The following OSBP2 variants were observed in gnomAD, a reference collection of about 807,000 sequenced individuals.
OSBP2 encodes the protein oxysterol binding protein 2.
A neutral mutation model predicts 96.0 loss-of-function variants in OSBP2; 66 were observed. The observed-to-expected ratio is 0.69, with a 90% CI of 0.56 to 0.84. OSBP2 has a LOEUF of 0.84. Among genes scored for constraint, OSBP2 ranks in the 40% least tolerant of loss-of-function variants. OSBP2 has a pLI of 0.00. For synonymous variants in OSBP2, 525 were observed against 520.9 expected (o/e 1.01, Z -0.11); for missense variants, 1,038 against 1,222.7 (o/e 0.85, Z 2.25).
At position 30,732,219 on chromosome 22, in the gene OSBP2, A is replaced by G. The variant is rs554523542; in HGVS notation, c.645-8942A>G. 1.1e-4 allele frequency among the ~76,000 whole-genome samples: 17 copies of G among 152,184 alleles called. No individual in the cohort carries two copies. In the East Asian group the frequency reaches 3.3e-3, roughly 29 times the overall value. ...CTCGGGAGGCTGAGACAGGAGAATCACTTGAACCTGGGAGGCGGAGGTTGC... is the reference window on the plus strand; with the variant it reads ...CTCGGGAGGCTGAGACAGGAGAATCGCTTGAACCTGGGAGGCGGAGGTTGC... On this transcript the variant is annotated intron_variant, in intron 1 of 13. Coordinates refer to ENST00000332585, the MANE Select transcript of OSBP2 (RefSeq NM_030758.4).
intron 2 of OSBP2, among the ~76,000 whole-genome samples, chr22:30,841,484 A>G (rs1413686461): frequency 6.6e-6 from 1 of 152,212 alleles, no homozygotes; most frequent in Non-Finnish European, 1.5e-5. Context: ...GTGTTGCTAC[A>G]TGTATCAGTA....
chr22:30,695,226 C>T lies in OSBP2; in HGVS notation c.317C>T (p.Pro106Leu). The T allele has an allele frequency of 6.2e-7, 1 of 1,613,258 alleles. No homozygotes were observed. Among genetic ancestry groups the T allele is most frequent in the Middle Eastern group, 1.7e-4 (1 of 6,056 alleles). ...TCGGAACTGCTGCAGGGGTCGCGGC[C>T]GGGGTCAGAGTCAAGCTCAGGTGTA... ...QPSELLQGSR[P>L]GSESSSGVGA... is the part of the protein sequence containing the mutation. The change falls in exon 1 of 14, where the codon CCG becomes CTG. Residue 106 changes from proline to leucine, a missense_variant. Pro to Leu is a moderately conservative substitution (Grantham distance 98). Around this residue, in one of 3 missense-constraint regions of OSBP2, gnomAD observed 281 missense variants for 273.4 expected, o/e 1.03. Coordinates refer to ENST00000332585, the MANE Select transcript of OSBP2 (RefSeq NM_030758.4).
intron 2 of OSBP2, among the ~76,000 whole-genome samples, chr22:30,863,608 G>C (rs1403527410): frequency 6.6e-6 from 1 of 152,174 alleles, no homozygotes; most frequent in Non-Finnish European, 1.5e-5. Flanking sequence ...TGAGGACAAG[G>C]TCATGGGCTG....
At chr22:30,813,099 T>A (rs1602301183) in intron 2 of OSBP2, among the ~76,000 whole-genome samples, 1 of 151,988 alleles carries the variant, frequency 6.6e-6, no homozygotes, top group African/African-American at 2.4e-5. Flanking sequence ...TATATTGTCA[T>A]GTCTATCCAT....
At chr22:30,859,356 G>C (rs1449038788) in intron 2 of OSBP2, among the ~76,000 whole-genome samples, 1 of 152,226 alleles carries the variant, frequency 6.6e-6, no homozygotes. Flanking sequence ...ACAGGTGTTT[G>C]CATTGTGTCA....
chr22:30,879,872 T>G (rs1280257319), intron 3 of OSBP2, among the ~76,000 whole-genome samples: 1 of 152,068 alleles, frequency 6.6e-6, no homozygotes, highest in African/African-American at 2.4e-5. Context: ...GCCAACATAG[T>G]GAAACCCTGT....
At chr22:30,902,139 C>CAAA in intron 12 of OSBP2, 2 of 66,146 alleles carry the variant, frequency 3.0e-5, no homozygotes, top group Non-Finnish European at 5.0e-5. Context: ...AAAAAAAAAA[C>CAAA]CAAAAAAAAA....
At chr22:30,772,126 A>T (rs1204170850) in intron 2 of OSBP2, among the ~76,000 whole-genome samples, 1 of 152,156 alleles carries the variant, frequency 6.6e-6, no homozygotes, top group Non-Finnish European at 1.5e-5. Context: ...TGCAGGCTGG[A>T]GTTGGCGATT....
At chr22:30,730,631 G>A (rs1022838239) in intron 1 of OSBP2, among the ~76,000 whole-genome samples, 2 of 149,486 alleles carry the variant, frequency 1.3e-5, no homozygotes, top group Non-Finnish European at 3.0e-5. Context: ...TGCATTGAAT[G>A]GAAGTTCCAT....
intron 2 of OSBP2, among the ~76,000 whole-genome samples, chr22:30,853,213 G>A (rs538098158): frequency 1.3e-4 from 20 of 152,220 alleles, no homozygotes; most frequent in Admixed American, 3.3e-4. Flanking sequence ...TTGTATTATC[G>A]TATTGAAACC....
At chr22:30,765,417 C>A (rs1230205289) in intron 2 of OSBP2, among the ~76,000 whole-genome samples, 2 of 152,098 alleles carry the variant, frequency 1.3e-5, no homozygotes, top group African/African-American at 4.8e-5. Context: ...CCATGTTGTC[C>A]AGGCTGGTCT....
At chr22:30,898,780 T>G (rs1323185691) in intron 12 of OSBP2, among the ~76,000 whole-genome samples, 1 of 151,556 alleles carries the variant, frequency 6.6e-6, no homozygotes. Context: ...TCCCAGCACT[T>G]TGGAAGGCTG....
chr22:30,875,367 TTTG>T (rs2039556328), intron 3 of OSBP2, among the ~76,000 whole-genome samples: 1 of 151,864 alleles, frequency 6.6e-6, no homozygotes, highest in African/African-American at 2.4e-5. Flanking sequence ...GGCAGGGTTC[TTTG>T]TTGTTTTTTT....
At position 30,889,306 on chromosome 22, in the gene OSBP2, A is replaced by T. The variant is rs2147154735; in HGVS notation, c.1476+72A>T. On this transcript the variant is annotated intron_variant, in intron 6 of 13. Coordinates refer to ENST00000332585, the MANE Select transcript of OSBP2 (RefSeq NM_030758.4). ...TAGGGGGTGGGAGGGACAGGCCAGC[A>T]CCAAGAACTGGGGGCCAGCAGGCAG... 6 of 1,508,364 alleles carry T rather than the reference A, an allele frequency of 4.0e-6. No homozygotes were observed. The South Asian group carries it at 7.0e-5, about 18-fold the overall frequency. 93.4% of individuals were successfully genotyped at this position (1,508,364 alleles called of 1,614,324 possible).
intron 2 of OSBP2, among the ~76,000 whole-genome samples, chr22:30,828,632 G>A (rs531843182): frequency 1.3e-5 from 2 of 152,218 alleles, no homozygotes; most frequent in Non-Finnish European, 2.9e-5. Context: ...GCTAAGGGGT[G>A]GATTGGGGGC....
At chr22:30,868,808 C>T (rs2039400531) in intron 2 of OSBP2, among the ~76,000 whole-genome samples, 1 of 152,228 alleles carries the variant, frequency 6.6e-6, no homozygotes, top group African/African-American at 2.4e-5. Flanking sequence ...CCATGGACAC[C>T]ACGTGCACTC....
chr22:30,809,537 G>A (rs1170170209), intron 2 of OSBP2, among the ~76,000 whole-genome samples: 2 of 152,202 alleles, frequency 1.3e-5, no homozygotes, highest in Non-Finnish European at 2.9e-5. Flanking sequence ...CCCCGTGAGT[G>A]AAGGCATGAG....
intron 2 of OSBP2, among the ~76,000 whole-genome samples, chr22:30,788,578 A>C (rs2145821384): frequency 6.6e-6 from 1 of 152,284 alleles, no homozygotes; most frequent in Middle Eastern, 3.4e-3. Flanking sequence ...CCACAATTAC[A>C]TGTGTCCTTT....
At chr22:30,812,276 C>T (rs2091019168) in intron 2 of OSBP2, among the ~76,000 whole-genome samples, 1 of 152,176 alleles carries the variant, frequency 6.6e-6, no homozygotes, top group Non-Finnish European at 1.5e-5. Flanking sequence ...AGTGATTCTC[C>T]TGCCTCAGCC....
Sources: gnomAD v4.1 joint callset for allele counts (sites outside exome capture counted in the v4.1 genomes callset) on GRCh38, gnomAD v4.1.1 for gene constraint, gnomAD v4.1.1 regional missense constraint, MANE v1.5 for transcripts, NCBI Gene and HGNC (gene_info 2026-07-23, HGNC 2026-07-21) for gene names.